IQSEC1: variants seen among roughly 807,000 people sequenced by gnomAD.
IQSEC1 encodes the protein IQ motif and SEC7 domain-containing protein 1.
IQSEC1 carries 31 observed loss-of-function variants against 91.0 expected under a neutral mutation model. That is an observed-to-expected ratio of 0.34 (90% CI 0.26 to 0.46). The LOEUF is 0.46. Ranked by LOEUF, IQSEC1 falls within the 20% of genes least tolerant of loss-of-function variation. The pLI is 1.00. For missense variants in IQSEC1, 1,388 were observed against 1,575.6 expected, an observed-to-expected ratio of 0.88 and a Z score of 2.02; for synonymous variants, 699 against 662.6, an observed-to-expected ratio of 1.05 and a Z score of -0.84.
In IQSEC1 at chr3:13,243,233, C is replaced by T. The variant is rs144292517; in HGVS notation, c.272+39478G>A. Reference sequence around the variant, plus strand: ...GAGCCTTCCCCGAGGTAACTTCCTGCACACCCTTGGGCAGGGGCTTCTGAC... The same window carrying T: ...GAGCCTTCCCCGAGGTAACTTCCTGTACACCCTTGGGCAGGGGCTTCTGAC... On this transcript the variant is annotated intron_variant, in intron 1 of 15. Transcript: ENST00000648114. 2.7e-3 allele frequency among the ~76,000 whole-genome samples: 406 copies of T among 152,286 alleles called. 6 individuals carry two copies. Among genetic ancestry groups the T allele is most frequent in the African/African-American group, 9.2e-3 (381 of 41,560 alleles).
chr3:12,915,459 C>G (rs1695989754), intron 7 of IQSEC1, 135 bp downstream of exon 7: 1 of 952,910 alleles, frequency 1.0e-6, no homozygotes, highest in Non-Finnish European at 1.6e-6. Context: ...CGAAAAAACC[C>G]CAAGCCCTGG....
intron 1 of IQSEC1, among the ~76,000 whole-genome samples, chr3:13,229,399 G>A (rs1048965836): frequency 6.6e-6 from 1 of 152,220 alleles, no homozygotes; most frequent in Non-Finnish European, 1.5e-5. Context: ...GCCATCACAG[G>A]GGAAGCCCTC....
At chr3:12,920,334 T>G in intron 6 of IQSEC1, 96 bp downstream of exon 6, 1 of 1,250,256 alleles carries the variant, frequency 8.0e-7, no homozygotes, top group Non-Finnish European at 1.2e-6. Flanking sequence ...GCTCCCCAAC[T>G]GGAGGTTGCC....
chr3:13,272,437 C>T (rs1404932399), intron 1 of IQSEC1, among the ~76,000 whole-genome samples: 1 of 152,200 alleles, frequency 6.6e-6, no homozygotes. Flanking sequence ...TGATGTGGTC[C>T]ATCACAGCCC....
At chr3:13,101,203 T>C (rs1425515890) in intron 2 of IQSEC1, among the ~76,000 whole-genome samples, 2 of 152,128 alleles carry the variant, frequency 1.3e-5, no homozygotes, top group Non-Finnish European at 1.5e-5. Flanking sequence ...CCTTCTAGGC[T>C]GGGCGCGGTG....
rs140916909 is a variant in IQSEC1 at position 13,214,836 on chromosome 3, G to A, written c.273-50703C>T. On this transcript the variant is annotated intron_variant, in intron 1 of 15. Transcript: ENST00000648114. This position sits in a 1 kb window ranked among gnomAD's most constrained non-coding sequence, Gnocchi z 4.5. ...TTCTCTTTCTGTGTAAAGAGCAAGA[G>A]CAGGTCCCAGTGTTTGCAGCTGAGC... Among the ~76,000 whole-genome samples the A allele has an allele frequency of 4.8e-3, 736 of 152,380 alleles. 5 individuals are homozygous for A. The highest frequency in any genetic ancestry group is 8.2e-3 in the Non-Finnish European group (556 of 68,040).
At chr3:13,048,030 G>T (rs964978518) in intron 1 of IQSEC1, among the ~76,000 whole-genome samples, 1 of 152,140 alleles carries the variant, frequency 6.6e-6, no homozygotes, top group African/African-American at 2.4e-5. Flanking sequence ...CAGGAGCCTG[G>T]GTCCTGCCTC....
At chr3:13,126,256 T>A (rs541927484) in intron 2 of IQSEC1, among the ~76,000 whole-genome samples, 21 of 152,338 alleles carry the variant, frequency 1.4e-4, no homozygotes, top group Non-Finnish European at 2.4e-4. Flanking sequence ...TCTAGACTTG[T>A]TTATAAACGG....
chr3:13,173,305 T>A (rs936257252), intron 1 of IQSEC1, among the ~76,000 whole-genome samples: 6 of 152,056 alleles, frequency 3.9e-5, no homozygotes, highest in Non-Finnish European at 7.4e-5. Context: ...GAGTCTCGTG[T>A]CCCCTCCCAC....
At chr3:13,275,605 G>A (rs1345693993) in intron 1 of IQSEC1, among the ~76,000 whole-genome samples, 1 of 152,212 alleles carries the variant, frequency 6.6e-6, no homozygotes, top group Non-Finnish European at 1.5e-5. Flanking sequence ...CCAGCTCAAA[G>A]GTACGTCCTC....
chr3:13,227,388 A>AAAAG (rs1288988376), intron 1 of IQSEC1, among the ~76,000 whole-genome samples: 2 of 149,236 alleles, frequency 1.3e-5, no homozygotes, highest in Admixed American at 6.6e-5. Context: ...AAAAAAAAAA[A>AAAAG]AAAAAAAAGA....
At chr3:12,942,363 G>A (rs1442669403) in intron 1 of IQSEC1, among the ~76,000 whole-genome samples, 5 of 152,198 alleles carry the variant, frequency 3.3e-5, no homozygotes, top group East Asian at 1.9e-4. Context: ...AGCACTTTGG[G>A]AGGCCGAGGA....
At chr3:13,269,276 G>C (rs1695552187) in intron 1 of IQSEC1, among the ~76,000 whole-genome samples, 1 of 152,194 alleles carries the variant, frequency 6.6e-6, no homozygotes, top group Non-Finnish European at 1.5e-5. Flanking sequence ...TTAGTGCTCA[G>C]GGAGAAGGTG....
In IQSEC1 at chr3:12,935,636, G is replaced by A; in HGVS notation, c.1380C>T (p.Asn460=). 2 of 1,614,140 alleles carry A rather than the reference G, an allele frequency of 1.2e-6. No individual in the cohort carries two copies. Among genetic ancestry groups the A allele is most frequent in the Non-Finnish European group, 1.7e-6 (2 of 1,180,042 alleles). ...TGGTATCGTTGGAGTTGGACGTGCTGTTGATGCTGTCATTGTCACCGTCTG... is the reference window on the plus strand; with the variant it reads ...TGGTATCGTTGGAGTTGGACGTGCTATTGATGCTGTCATTGTCACCGTCTG... ...DYSDGDNDSI[N]STSNSNDTIN... The change falls in exon 3 of 14, where the codon AAC becomes AAT. Residue 460 remains asparagine, a synonymous_variant. Coordinates refer to ENST00000613206, the MANE Select transcript of IQSEC1 (RefSeq NM_001134382.3). The surrounding 1 kb of genome is among the most constrained non-coding windows in gnomAD (Gnocchi z 8.0).
chr3:13,005,066 TCA>T (rs571357435), intron 1 of IQSEC1, among the ~76,000 whole-genome samples: 252 of 152,326 alleles, frequency 1.7e-3, no homozygotes, highest in African/African-American at 5.4e-3. Context: ...TAAATAAAAT[TCA>T]CAGACTCCAA....
In IQSEC1 at chr3:12,899,922, C is replaced by T. The variant is rs753047998; in HGVS notation, c.*1061G>A. On this transcript the variant is annotated 3_prime_UTR_variant, in exon 14 of 14. Coordinates refer to ENST00000613206, the MANE Select transcript of IQSEC1 (RefSeq NM_001134382.3). ...TTCTGCCGTGTATGGGTGCCCCTCTCGGAGGACTCTGAATGAGTGTGCGTC... is the reference window on the plus strand; with the variant it reads ...TTCTGCCGTGTATGGGTGCCCCTCTTGGAGGACTCTGAATGAGTGTGCGTC... 97 of 984,932 alleles carry T rather than the reference C, an allele frequency of 9.8e-5. No homozygotes were observed. Among genetic ancestry groups the T allele is most frequent in the South Asian group, 2.8e-4 (6 of 21,258 alleles). 61.0% of individuals were successfully genotyped at this position (984,932 alleles called of 1,614,324 possible). A position where few individuals can be genotyped will look rare whatever the true frequency, so the allele number is the denominator to read the frequency against.
intron 1 of IQSEC1, among the ~76,000 whole-genome samples, chr3:13,040,543 C>A (rs1033891899): frequency 6.6e-6 from 1 of 152,196 alleles, no homozygotes; most frequent in Non-Finnish European, 1.5e-5. Flanking sequence ...ACACTTGGAC[C>A]ACGTGGCCCC....
At position 12,935,901 on chromosome 3, in the gene IQSEC1, C is replaced by G; in HGVS notation, c.1115G>C (p.Ser372Thr). Residue 372 changes from serine to threonine, a missense_variant, in exon 3 of 14, where the codon AGC (serine) becomes ACC (threonine). By Grantham distance (58) the Ser-to-Thr change is moderately conservative. Around this residue, in one of 2 missense-constraint regions of IQSEC1, gnomAD observed 1,059 missense variants for 1,317.8 expected, o/e 0.80. Coordinates refer to ENST00000613206, the MANE Select transcript of IQSEC1 (RefSeq NM_001134382.3). This position sits in a 1 kb window ranked among gnomAD's most constrained non-coding sequence, Gnocchi z 8.0. Reference sequence around the variant, plus strand: ...GTCACTAAGGTCCACAGAGCTGTCGCTGGGTGGCTCGATGGTGAGCAGCGG... The same window carrying G: ...GTCACTAAGGTCCACAGAGCTGTCGGTGGGTGGCTCGATGGTGAGCAGCGG... ...HLPLLTIEPP[S>T]DSSVDLSDRS... 6.2e-7 allele frequency: 1 copy of G among 1,603,064 alleles called. No individual in the cohort carries two copies. The highest frequency in any genetic ancestry group is 2.2e-5 in the East Asian group (1 of 44,858).
intron 1 of IQSEC1, among the ~76,000 whole-genome samples, chr3:13,184,002 T>C (rs922659626): frequency 6.6e-6 from 1 of 152,184 alleles, no homozygotes; most frequent in Non-Finnish European, 1.5e-5. Context: ...ATTCAAGAAA[T>C]AGAATTTGTA....
Sources: gnomAD v4.1 joint callset for allele counts (sites outside exome capture counted in the v4.1 genomes callset) on GRCh38, gnomAD v4.1.1 for gene constraint, gnomAD v4.1.1 regional missense constraint, Gnocchi (gnomAD v3.1) non-coding constraint, MANE v1.5 for transcripts, NCBI Gene and HGNC (gene_info 2026-07-23, HGNC 2026-07-21) for gene names.